ACSL4: variants seen among roughly 807,000 people sequenced by gnomAD.
ACSL4 encodes the protein acyl-CoA synthetase long chain family member 4, also known as long-chain-fatty-acid--CoA ligase 4.
A neutral mutation model predicts 49.1 loss-of-function variants in ACSL4; 9 were observed. The ratio of observed to expected loss-of-function variants is 0.18; its 90% CI spans 0.11 to 0.32. The LOEUF is 0.32. Ranked by LOEUF, ACSL4 falls within the 10% of genes least tolerant of loss-of-function variation. The pLI is 1.00. For missense variants in ACSL4, 333 were observed against 493.7 expected, an observed-to-expected ratio of 0.67 and a Z score of 3.08; for synonymous variants, 191 against 170.3, an observed-to-expected ratio of 1.12 and a Z score of -0.95.
At chrX:109,646,525 TA>T (rs1934711805) in intron 15 of ACSL4, among the ~76,000 whole-genome samples, 1 of 109,286 alleles carries the variant, frequency 9.2e-6, no homozygotes, top group Admixed American at 9.7e-5. Flanking sequence ...AAGGAAGTGC[TA>T]AACATGGAAA....
chrX:109,717,197 TG>T (rs780365676), intron 1 of ACSL4, among the ~76,000 whole-genome samples: 202 of 111,155 alleles, frequency 1.8e-3, no homozygotes, highest in African/African-American at 6.4e-3. Context: ...CTTACAAGCC[TG>T]ATTTTTTTTT....
At chrX:109,676,478 T>TAAA (rs1167410629) in intron 8 of ACSL4, among the ~76,000 whole-genome samples, 15 of 111,552 alleles carry the variant, frequency 1.3e-4, no homozygotes, top group African/African-American at 4.9e-4. Flanking sequence ...GGGGGCGGTC[T>TAAA]GAAAAACAAC....
Position 109,693,002 on chromosome X carries a change from AG to A in ACSL4, c.-13+3141del, listed in dbSNP as rs1214818531. ...GGTTCCAAAAAAGTCTTTAAGCAGCAGTAGTAGTTCCCATAGGAATAGATTC... is the reference window on the plus strand; with the variant it reads ...GGTTCCAAAAAAGTCTTTAAGCAGCATAGTAGTTCCCATAGGAATAGATTC... On this transcript the variant is annotated intron_variant, in intron 2 of 15. Transcript: ENST00000672401. 3.6e-5 allele frequency among the ~76,000 whole-genome samples: 4 copies of A among 111,853 alleles called. No homozygotes were observed. In the South Asian group the frequency reaches 1.5e-3, roughly 42 times the overall value.
At chrX:109,670,458 G>A (rs1016323504) in intron 9 of ACSL4, among the ~76,000 whole-genome samples, 1 of 108,499 alleles carries the variant, frequency 9.2e-6, no homozygotes, top group South Asian at 4.2e-4. Context: ...GGTGGCAGGC[G>A]CCTATAATCC....
At chrX:109,662,170 T>C in intron 13 of ACSL4, among the ~76,000 whole-genome samples, 1 of 111,520 alleles carries the variant, frequency 9.0e-6, no homozygotes, top group Middle Eastern at 4.6e-3. Flanking sequence ...ATTATCTTGT[T>C]AAAATGACAG....
chrX:109,651,314 G>A (rs1921122609), intron 15 of ACSL4, among the ~76,000 whole-genome samples: 2 of 111,717 alleles, frequency 1.8e-5, no homozygotes, highest in Admixed American at 9.5e-5. Context: ...TAGCCTAGAC[G>A]AGTTTAGAAA....
intron 1 of ACSL4, among the ~76,000 whole-genome samples, chrX:109,711,823 C>G (rs1378954756): frequency 1.8e-5 from 2 of 111,506 alleles, no homozygotes; most frequent in African/African-American, 6.5e-5. Context: ...TGTTCCCCTG[C>G]TAGGCTCTAA....
intron 1 of ACSL4, among the ~76,000 whole-genome samples, chrX:109,729,495 T>C (rs1255139401): frequency 8.9e-6 from 1 of 111,786 alleles, no homozygotes; most frequent in African/African-American, 3.3e-5. Context: ...GAATGTAAAA[T>C]GGTACAGCCA....
At chrX:109,647,312 T>C (rs1174847619) in intron 15 of ACSL4, among the ~76,000 whole-genome samples, 1 of 111,849 alleles carries the variant, frequency 8.9e-6, no homozygotes, top group Non-Finnish European at 1.9e-5. Context: ...ACAGAAATTA[T>C]AACAAACTGT....
intron 1 of ACSL4, among the ~76,000 whole-genome samples, chrX:109,702,339 ATTAAG>A (rs1435235997): frequency 8.9e-6 from 1 of 112,410 alleles, no homozygotes; most frequent in African/African-American, 3.2e-5. Context: ...CCATATCACA[ATTAAG>A]TTAACCCATA....
At chrX:109,645,378 A>G (rs1397818224) in intron 15 of ACSL4, among the ~76,000 whole-genome samples, 3 of 112,391 alleles carry the variant, frequency 2.7e-5, no homozygotes, top group Non-Finnish European at 5.6e-5. Context: ...ACCCCCGAGC[A>G]GCCTAAATGG....
At chrX:109,711,243 C>G (rs913808455) in intron 1 of ACSL4, among the ~76,000 whole-genome samples, 1 of 112,195 alleles carries the variant, frequency 8.9e-6, no homozygotes, top group East Asian at 2.8e-4. Flanking sequence ...TAAAGCAAAC[C>G]TGTATTTCTA....
chrX:109,719,755 G>A (rs905745760), intron 1 of ACSL4, among the ~76,000 whole-genome samples: 4 of 111,781 alleles, frequency 3.6e-5, no homozygotes, highest in African/African-American at 1.3e-4. Flanking sequence ...GGAGGCTGAC[G>A]TGGGTGGATC....
At position 109,678,487 on chromosome X, in the gene ACSL4, T is replaced by C. The variant is rs892893562; in HGVS notation, c.656-72A>G. The C allele has an allele frequency of 2.6e-6, 3 of 1,134,952 alleles. No homozygotes were observed. The African/African-American group carries it at 5.4e-5, about 20-fold the overall frequency. 93.5% of individuals were successfully genotyped at this position (1,134,952 alleles called of 1,213,427 possible). On this transcript the variant is annotated intron_variant, in intron 6 of 15. Transcript: ENST00000672401. ...TAAATTACTAAAGAATAATAGGATA[T>C]TTAGATTTTGCATAACGATAAGCTA...
chrX:109,675,573 G>A (rs1923610290), intron 8 of ACSL4, among the ~76,000 whole-genome samples: 1 of 111,816 alleles, frequency 8.9e-6, no homozygotes, highest in Non-Finnish European at 1.9e-5. Flanking sequence ...CAAGAATTAA[G>A]TCAGACCAGC....
chrX:109,714,168 T>TATTTTG (rs1926952925), intron 1 of ACSL4, among the ~76,000 whole-genome samples: 1 of 112,116 alleles, frequency 8.9e-6, no homozygotes, highest in Admixed American at 9.5e-5. Context: ...TGTGTCTTAG[T>TATTTTG]TTTTTGTTTT....
At chrX:109,674,237 T>A (rs1923495524) in intron 9 of ACSL4, among the ~76,000 whole-genome samples, 165 bp downstream of exon 9, 1 of 111,996 alleles carries the variant, frequency 8.9e-6, no homozygotes, top group East Asian at 2.8e-4. Context: ...TCTTCCCTAG[T>A]ATGGTACCTA....
intron 4 of ACSL4, 87 bp from the exon 5 acceptor site, chrX:109,681,462 C>A: frequency 1.6e-6 from 1 of 611,238 alleles, no homozygotes; most frequent in Non-Finnish European, 2.6e-6. Flanking sequence ...ATAATAGTTA[C>A]ACTTAGAGAC....
At chrX:109,702,851 C>T (rs1247045604) in intron 1 of ACSL4, among the ~76,000 whole-genome samples, 2 of 110,696 alleles carry the variant, frequency 1.8e-5, no homozygotes, top group African/African-American at 6.6e-5. Context: ...AAATAATACC[C>T]ACGAGTCCAT....
Sources: gnomAD v4.1 joint callset for allele counts (sites outside exome capture counted in the v4.1 genomes callset) on GRCh38, gnomAD v4.1.1 for gene constraint, MANE v1.5 for transcripts, NCBI Gene and HGNC (gene_info 2026-07-23, HGNC 2026-07-21) for gene names.